CUL3: variants seen among roughly 807,000 people sequenced by gnomAD.
The protein encoded by CUL3 is cullin-3.
CUL3 carries 19 observed loss-of-function variants against 89.1 expected under a neutral mutation model. That is an observed-to-expected ratio of 0.21 (90% CI 0.15 to 0.31). The LOEUF (loss-of-function observed/expected upper bound fraction) is 0.31, where lower values mean the gene tolerates loss of function less well. Ranked by LOEUF, CUL3 falls within the 10% of genes least tolerant of loss-of-function variation. The probability of loss-of-function intolerance (pLI) is 1.00; values close to 1 mark genes in which losing one functional copy is unlikely to be tolerated. For missense variants in CUL3, 469 were observed against 942.3 expected, an observed-to-expected ratio of 0.50 and a Z score of 6.58; for synonymous variants, 351 against 308.4, an observed-to-expected ratio of 1.14 and a Z score of -1.45.
intron 3 of CUL3, among the ~76,000 whole-genome samples, chr2:224,520,779 A>C (rs2106236023): frequency 6.6e-6 from 1 of 152,350 alleles, no homozygotes; most frequent in Non-Finnish European, 1.5e-5. Flanking sequence ...TGGCCCTACA[A>C]GACCACAGAT....
intron 1 of CUL3, among the ~76,000 whole-genome samples, chr2:224,580,518 T>TACTTA (rs1172239520): frequency 6.6e-6 from 1 of 152,074 alleles, no homozygotes; most frequent in East Asian, 1.9e-4. Context: ...ACCCCATCAC[T>TACTTA]ACTTAAAATA....
At chr2:224,530,033 T>A (rs1172940750) in intron 3 of CUL3, among the ~76,000 whole-genome samples, 5 of 151,912 alleles carry the variant, frequency 3.3e-5, no homozygotes, top group African/African-American at 1.2e-4. Flanking sequence ...GGTCAGGAGA[T>A]CGAGACCATG....
At chr2:224,574,894 C>A (rs1695264893) in intron 1 of CUL3, among the ~76,000 whole-genome samples, 1 of 152,100 alleles carries the variant, frequency 6.6e-6, no homozygotes, top group Non-Finnish European at 1.5e-5. Context: ...TGGGTGCGTA[C>A]TGCTGTACTG....
chr2:224,570,992 A>G (rs1695168420), intron 1 of CUL3, among the ~76,000 whole-genome samples: 1 of 152,216 alleles, frequency 6.6e-6, no homozygotes, highest in Admixed American at 6.5e-5. Context: ...ATCTCTGTGA[A>G]TGACTTTTGC....
At chr2:224,528,034 C>A (rs1693542560) in intron 3 of CUL3, among the ~76,000 whole-genome samples, 1 of 152,208 alleles carries the variant, frequency 6.6e-6, no homozygotes, top group Non-Finnish European at 1.5e-5. Context: ...TATAGATAAT[C>A]CATTTATTTA....
intron 3 of CUL3, among the ~76,000 whole-genome samples, chr2:224,519,023 G>A (rs1693168426): frequency 6.6e-6 from 1 of 152,196 alleles, no homozygotes; most frequent in African/African-American, 2.4e-5. Flanking sequence ...TTCAGTAAAG[G>A]AAGCCAAGGC....
At chr2:224,482,606 A>C (rs567290079) in intron 13 of CUL3, among the ~76,000 whole-genome samples, 1 of 152,252 alleles carries the variant, frequency 6.6e-6, no homozygotes, top group African/African-American at 2.4e-5. Context: ...AAAACCTGGA[A>C]TTACATTAAA....
intron 3 of CUL3, among the ~76,000 whole-genome samples, chr2:224,515,450 G>C (rs1055728712): frequency 2.6e-5 from 4 of 152,174 alleles, no homozygotes; most frequent in Admixed American, 2.6e-4. Flanking sequence ...TGCACAGAAG[G>C]ATTAGTAATG....
At chr2:224,559,974 T>C (rs955846033) in intron 1 of CUL3, among the ~76,000 whole-genome samples, 2 of 152,020 alleles carry the variant, frequency 1.3e-5, no homozygotes, top group Admixed American at 1.3e-4. Flanking sequence ...CCCAGCTCCT[T>C]AGTGGGGCTG....
intron 11 of CUL3, 79 bp from the exon 12 acceptor site, chr2:224,497,928 T>G: frequency 9.2e-7 from 1 of 1,083,192 alleles, no homozygotes. Context: ...ATAACATCCC[T>G]TAAACATTTG....
intron 2 of CUL3, among the ~76,000 whole-genome samples, chr2:224,549,315 C>T (rs749861884): frequency 2.1e-5 from 3 of 142,986 alleles, no homozygotes; most frequent in Non-Finnish European, 1.5e-5. Flanking sequence ...GACCTTGTCT[C>T]GGAAAATAAA....
intron 2 of CUL3, among the ~76,000 whole-genome samples, chr2:224,546,097 G>GA (rs1046727299): frequency 6.6e-6 from 1 of 152,066 alleles, no homozygotes; most frequent in African/African-American, 2.4e-5. Context: ...GTACACCACA[G>GA]AAAAACACCA....
intron 1 of CUL3, among the ~76,000 whole-genome samples, chr2:224,558,379 T>C (rs1559222436): frequency 6.6e-6 from 1 of 152,202 alleles, no homozygotes. Context: ...CTCTTCTAGA[T>C]GATTTTATAC....
At chr2:224,537,629 T>TC (rs1468682659) in intron 2 of CUL3, among the ~76,000 whole-genome samples, 14 of 152,284 alleles carry the variant, frequency 9.2e-5, no homozygotes, top group African/African-American at 3.1e-4. Flanking sequence ...AGCTTCATAT[T>TC]CCTTTACTGA....
chr2:224,491,573 GT>G (rs1559343386), intron 13 of CUL3, among the ~76,000 whole-genome samples: 1 of 151,862 alleles, frequency 6.6e-6, no homozygotes, highest in African/African-American at 2.4e-5. Context: ...CTTCTTCTTA[GT>G]ATATTAGGAC....
At chr2:224,477,778 T>C (rs1691377828) in intron 15 of CUL3, among the ~76,000 whole-genome samples, 4 of 152,180 alleles carry the variant, frequency 2.6e-5, no homozygotes, top group African/African-American at 4.8e-5. Flanking sequence ...CCTCTACCAA[T>C]ACTTTACCCA....
intron 2 of CUL3, among the ~76,000 whole-genome samples, chr2:224,553,643 G>A (rs10933068): frequency 0.3 from 45,265 of 151,986 alleles, 6,945 homozygotes; most frequent in Middle Eastern, 0.41. Context: ...ATTAAATCTT[G>A]AGAATGGTAC....
At chr2:224,551,619 T>C (rs1251523872) in intron 2 of CUL3, among the ~76,000 whole-genome samples, 2 of 151,970 alleles carry the variant, frequency 1.3e-5, no homozygotes, top group South Asian at 2.1e-4. Context: ...GCTAGGATTA[T>C]AGGCGTGAGC....
At chr2:224,533,537 C>A (rs973132938) in intron 3 of CUL3, among the ~76,000 whole-genome samples, 1 of 151,948 alleles carries the variant, frequency 6.6e-6, no homozygotes, top group African/African-American at 2.4e-5. Context: ...TCAGAGTCTG[C>A]GTGTGTATAA....
Sources: gnomAD v4.1 joint callset for allele counts (sites outside exome capture counted in the v4.1 genomes callset) on GRCh38, gnomAD v4.1.1 for gene constraint, MANE v1.5 for transcripts, NCBI Gene and HGNC (gene_info 2026-07-23, HGNC 2026-07-21) for gene names.